Variants in FAM168B observed in about 807,000 individuals in gnomAD.
FAM168B encodes the protein myelin-associated neurite-outgrowth inhibitor.
In FAM168B, 19 loss-of-function variants were observed where a neutral mutation model predicts 21.8. The ratio of observed to expected loss-of-function variants is 0.87; its 90% CI spans 0.61 to 1.28. The LOEUF is 1.28. Among genes scored for constraint, FAM168B ranks in the 50% most tolerant of loss-of-function variants. FAM168B has a pLI of 0.00. For synonymous variants in FAM168B, 126 were observed against 104.8 expected (o/e 1.20, Z -1.24); for missense variants, 233 against 263.1 (o/e 0.89, Z 0.79).
intron 3 of FAM168B, among the ~76,000 whole-genome samples, chr2:131,065,214 A>C (rs778189468): frequency 6.6e-6 from 1 of 152,192 alleles, no homozygotes; most frequent in Non-Finnish European, 1.5e-5. Context: ...AAGCAGCTTT[A>C]AAGAGTTAAA....
At chr2:131,087,136 T>C (rs984668355) in intron 1 of FAM168B, among the ~76,000 whole-genome samples, 14 of 142,778 alleles carry the variant, frequency 9.8e-5, no homozygotes, top group African/African-American at 3.6e-4. Flanking sequence ...AGAGCAAAAA[T>C]TCTGTGGAGG....
Position 131,050,893 on chromosome 2 carries a change from G to A in FAM168B, c.*1572C>T, listed in dbSNP as rs1217372601. ...GACGCACGCTCCTGCCCTAGAGGCC[G>A]CTGAAAGGGACCCAGGCCTTACATC... On this transcript the variant is annotated 3_prime_UTR_variant, in exon 7 of 7. Transcript: ENST00000389915. 20 of 985,728 alleles carry A rather than the reference G, an allele frequency of 2.0e-5. No individual in the cohort carries two copies. The highest frequency in any genetic ancestry group is 2.3e-5 in the Non-Finnish European group (19 of 830,202). 61.1% of individuals were successfully genotyped at this position (985,728 alleles called of 1,614,324 possible).
Position 131,048,413 on chromosome 2 carries a change from G to A in FAM168B, c.*4052C>T, listed in dbSNP as rs891831662. On this transcript the variant is annotated 3_prime_UTR_variant, in exon 7 of 7. Coordinates refer to ENST00000389915, the MANE Select transcript of FAM168B (RefSeq NM_001009993.4). ...ACCACCCTTCTGCAGGCCCGGGGGGGGGTCCCTACACAGACGCCGCTCATC... is the reference window on the plus strand; with the variant it reads ...ACCACCCTTCTGCAGGCCCGGGGGGAGGTCCCTACACAGACGCCGCTCATC... 1.1e-5 allele frequency: 14 copies of A among 1,261,710 alleles called. No individual in the cohort carries two copies. The highest frequency in any genetic ancestry group is 3.1e-5 in the African/African-American group (2 of 64,966). 78.2% of individuals were successfully genotyped at this position (1,261,710 alleles called of 1,614,324 possible). A position where few individuals can be genotyped will look rare whatever the true frequency, so the allele number is the denominator to read the frequency against.
chr2:131,058,383 G>A (rs1395260623), intron 3 of FAM168B, among the ~76,000 whole-genome samples: 1 of 152,008 alleles, frequency 6.6e-6, no homozygotes, highest in Non-Finnish European at 1.5e-5. Flanking sequence ...ACGGTGGGAG[G>A]TGCTGTGGCT....
At chr2:131,087,202 C>T (rs1439057887) in intron 1 of FAM168B, among the ~76,000 whole-genome samples, 1 of 152,034 alleles carries the variant, frequency 6.6e-6, no homozygotes, top group African/African-American at 2.4e-5. Flanking sequence ...GGCACAGCGG[C>T]TCATGCCTGT....
At chr2:131,058,717 A>G (rs550344448) in intron 3 of FAM168B, among the ~76,000 whole-genome samples, 1 of 152,338 alleles carries the variant, frequency 6.6e-6, no homozygotes. Context: ...TCAAGACAAG[A>G]GCAGTTACAG....
intron 3 of FAM168B, among the ~76,000 whole-genome samples, chr2:131,059,435 C>T (rs900515786): frequency 6.6e-6 from 1 of 152,134 alleles, no homozygotes; most frequent in African/African-American, 2.4e-5. Flanking sequence ...CAGACACCAG[C>T]GGGTACCTTC....
chr2:131,084,361 T>C (rs1480953000), intron 1 of FAM168B, among the ~76,000 whole-genome samples: 1 of 151,432 alleles, frequency 6.6e-6, no homozygotes, highest in Non-Finnish European at 1.5e-5. Flanking sequence ...TGGCTAAGTT[T>C]TGTATTTTTT....
chr2:131,053,171 C>G (rs1573745001), intron 5 of FAM168B, among the ~76,000 whole-genome samples, 156 bp from the exon 6 acceptor site: 1 of 152,176 alleles, frequency 6.6e-6, no homozygotes, highest in East Asian at 1.9e-4. Flanking sequence ...ATTAGATAAT[C>G]CCCCACACCC....
Position 131,052,225 on chromosome 2 carries a change from A to G in FAM168B, c.*240T>C. The G allele has an allele frequency of 1.0e-6, 1 of 985,862 alleles. No individual in the cohort carries two copies. 61.1% of individuals were successfully genotyped at this position (985,862 alleles called of 1,614,324 possible). A position where few individuals can be genotyped will look rare whatever the true frequency, so the allele number is the denominator to read the frequency against. On this transcript the variant is annotated 3_prime_UTR_variant, in exon 7 of 7. Coordinates refer to ENST00000389915, the MANE Select transcript of FAM168B (RefSeq NM_001009993.4). Reference sequence around the variant, plus strand: ...AGATTAATACTCCCTTTTTATCATTACAGTTAGCTAAAAAATTGCCAGGCA... The same window carrying G: ...AGATTAATACTCCCTTTTTATCATTGCAGTTAGCTAAAAAATTGCCAGGCA...
chr2:131,086,696 T>C (rs1013551956), intron 1 of FAM168B, among the ~76,000 whole-genome samples: 22 of 152,210 alleles, frequency 1.4e-4, no homozygotes, highest in Non-Finnish European at 8.8e-5. Flanking sequence ...AGCCATCGTA[T>C]TGGACAGTGC....
At chr2:131,066,475 T>G (rs932342290) in intron 3 of FAM168B, among the ~76,000 whole-genome samples, 4 of 152,216 alleles carry the variant, frequency 2.6e-5, no homozygotes, top group African/African-American at 9.6e-5. Context: ...GCACCCGGCC[T>G]AAATTTGTAC....
At chr2:131,055,506 C>T (rs773206134) in intron 4 of FAM168B, 47 bp downstream of exon 4, 15 of 1,599,128 alleles carry the variant, frequency 9.4e-6, no homozygotes, top group Non-Finnish European at 1.3e-5. Context: ...GATGAACGCC[C>T]AGGTGGTATC....
intron 1 of FAM168B, among the ~76,000 whole-genome samples, chr2:131,089,138 G>A (rs1162907235): frequency 6.6e-6 from 1 of 151,916 alleles, no homozygotes; most frequent in Non-Finnish European, 1.5e-5. Context: ...AGCTAATTTT[G>A]TATTTTTAGT....
chr2:131,088,210 C>G (rs1693812821), intron 1 of FAM168B, among the ~76,000 whole-genome samples: 1 of 151,946 alleles, frequency 6.6e-6, no homozygotes, highest in Non-Finnish European at 1.5e-5. Context: ...CGCACCACTG[C>G]ACTCCAGATG....
chr2:131,087,253 G>A (rs1048014520), intron 1 of FAM168B, among the ~76,000 whole-genome samples: 2 of 152,044 alleles, frequency 1.3e-5, no homozygotes, highest in Admixed American at 6.6e-5. Context: ...AGGATCACTT[G>A]AGGTCAGGAG....
At chr2:131,057,089 A>G (rs1692065182) in intron 3 of FAM168B, among the ~76,000 whole-genome samples, 1 of 152,146 alleles carries the variant, frequency 6.6e-6, no homozygotes, top group Admixed American at 6.5e-5. Context: ...CATGGGTGAG[A>G]GCAGGAGGGG....
chr2:131,086,838 G>T (rs187220586), intron 1 of FAM168B, among the ~76,000 whole-genome samples: 3,446 of 97,138 alleles, frequency 0.035, 855 homozygotes, highest in African/African-American at 0.19. Flanking sequence ...GGCCGAGGCG[G>T]GCGGATCACG....
chr2:131,050,600 GT>G lies in FAM168B; in HGVS notation c.*1864del. ...AGACATCAGGAATAAAGAATCTGCTGTTTACAATGATCCATGCAAAAATATT... is the reference window on the plus strand; with the variant it reads ...AGACATCAGGAATAAAGAATCTGCTGTTACAATGATCCATGCAAAAATATT... On this transcript the variant is annotated 3_prime_UTR_variant, in exon 7 of 7. Coordinates refer to ENST00000389915, the MANE Select transcript of FAM168B (RefSeq NM_001009993.4). The G allele has an allele frequency of 2.0e-5, 20 of 985,596 alleles. No individual in the cohort carries two copies. Among genetic ancestry groups the G allele is most frequent in the Non-Finnish European group, 2.4e-5 (20 of 829,772 alleles). The allele number at this position is 985,596 out of a possible 1,614,324, so 61.1% of individuals were successfully genotyped here.
Sources: gnomAD v4.1 joint callset for allele counts (sites outside exome capture counted in the v4.1 genomes callset) on GRCh38, gnomAD v4.1.1 for gene constraint, MANE v1.5 for transcripts, NCBI Gene and HGNC (gene_info 2026-07-23, HGNC 2026-07-21) for gene names.